SLC2A14: variants seen among roughly 807,000 people sequenced by gnomAD.
SLC2A14 encodes solute carrier family 2 member 14.
In SLC2A14, 13 loss-of-function variants were observed where a neutral mutation model predicts 43.0. The observed-to-expected ratio is 0.30, with a 90% confidence interval of 0.20 to 0.48. The LOEUF (loss-of-function observed/expected upper bound fraction) is 0.48. SLC2A14 is among the 20% of genes least tolerant of loss of function. The probability of loss-of-function intolerance (pLI) is 0.99; values close to 1 mark genes in which losing one functional copy is unlikely to be tolerated. For synonymous variants in SLC2A14, 190 were observed against 233.8 expected, an observed-to-expected ratio of 0.81 and a Z score of 1.71; for missense variants, 428 against 620.4, an observed-to-expected ratio of 0.69 and a Z score of 3.29.
At chr12:7,818,155 T>G (rs148806108) in intron 9 of SLC2A14, 121 bp from the exon 10 acceptor site, 1 of 880,736 alleles carries the variant, frequency 1.1e-6, no homozygotes, top group Non-Finnish European at 1.7e-6. Context: ...AGAGTGGCTG[T>G]GGAATCAAAA....
At chr12:7,872,775 C>G in intron 1 of SLC2A14, 32 bp downstream of exon 1, 2 of 985,486 alleles carry the variant, frequency 2.0e-6, no homozygotes, top group African/African-American at 3.5e-5. Context: ...TTCCCGCACC[C>G]CCCGGCCGCA....
chr12:7,821,241 T>C lies in SLC2A14; in HGVS notation c.949A>G (p.Thr317Ala). The change falls in exon 8 of 11, where the codon ACT (threonine) becomes GCT (alanine). Residue 317 changes from threonine (T) to alanine (A), a missense_variant. Transcript: ENST00000431042. ...CTTACAGAAAGTAAAGTGAAGATAGTATTAACCACACCCGCGCTGATGGTG... is the reference window on the plus strand; with the variant it reads ...CTTACAGAAAGTAAAGTGAAGATAGCATTAACCACACCCGCGCTGATGGTG... ...YATISAGVVN[T>A]IFTLLSLFLV... 6.2e-7 allele frequency: 1 copy of C among 1,613,960 alleles called. No individual in the cohort carries two copies. The highest frequency in any genetic ancestry group is 8.5e-7 in the Non-Finnish European group (1 of 1,179,878).
rs896254413 is a variant in SLC2A14, at chr12:7,871,025, A to G, written c.-57-1088T>C. The stretch of plus-strand genomic sequence containing the variant: ...CAATGACAAGGGGGACAGCACGACA[A>G]GCTGGCTTCACCGCGGAAGAACCCC... On this transcript the variant is annotated intron_variant, in intron 1 of 10. Coordinates refer to ENST00000431042, the MANE Select transcript of SLC2A14 (RefSeq NM_001286234.2). 5.6e-6 allele frequency: 8 copies of G among 1,433,582 alleles called. No homozygotes were observed. In the Admixed American group the frequency reaches 5.6e-5, roughly 10 times the overall value. 88.8% of individuals were successfully genotyped at this position (1,433,582 alleles called of 1,614,324 possible).
chr12:7,864,569 A>T (rs1317157167), intron 2 of SLC2A14, among the ~76,000 whole-genome samples: 1 of 152,028 alleles, frequency 6.6e-6, no homozygotes, highest in Non-Finnish European at 1.5e-5. Flanking sequence ...CGATCTCCGG[A>T]CCTCATCATC....
Position 7,827,696 on chromosome 12 carries a change from G to A in SLC2A14, c.677-14C>T. 7.4e-7 allele frequency: 1 copy of A among 1,350,396 alleles called. No homozygotes were observed. Among genetic ancestry groups the A allele is most frequent in the Non-Finnish European group, 9.5e-7 (1 of 1,055,636 alleles). The allele number at this position is 1,350,396 out of a possible 1,614,324, so 83.7% of individuals were successfully genotyped here. ...ACCGCTGGAGGACTGGTGAAAAGAA[G>A]AAAGAGGAAAGGATAAAGAGAATGT... On this transcript the variant is annotated splice_polypyrimidine_tract_variant and intron_variant, in intron 6 of 10. Coordinates refer to ENST00000431042, the MANE Select transcript of SLC2A14 (RefSeq NM_001286234.2).
At chr12:7,867,772 G>A (rs1945004003) in intron 2 of SLC2A14, among the ~76,000 whole-genome samples, 1 of 151,540 alleles carries the variant, frequency 6.6e-6, no homozygotes, top group Non-Finnish European at 1.5e-5. Flanking sequence ...TTGAACCTGG[G>A]AGGTGGAGGT....
At chr12:7,842,722 CTTT>C (rs59107341) in intron 2 of SLC2A14, among the ~76,000 whole-genome samples, 2 of 139,592 alleles carry the variant, frequency 1.4e-5, no homozygotes. Context: ...TTCTTTTTCT[CTTT>C]TTTTTTTTTT....
At chr12:7,859,638 T>G (rs1944437059) in intron 2 of SLC2A14, among the ~76,000 whole-genome samples, 1 of 152,054 alleles carries the variant, frequency 6.6e-6, no homozygotes, top group Non-Finnish European at 1.5e-5. Flanking sequence ...GTAGGAATGG[T>G]GAAAACCAAG....
At chr12:7,874,697 A>T (rs1316271744), upstream of SLC2A14, among the ~76,000 whole-genome samples, 1 of 142,460 alleles carries the variant, frequency 7.0e-6, no homozygotes, top group African/African-American at 2.6e-5. Context: ...TATATATATA[A>T]ATATATATAA....
At chr12:7,860,931 T>C (rs1944517947) in intron 2 of SLC2A14, among the ~76,000 whole-genome samples, 1 of 151,974 alleles carries the variant, frequency 6.6e-6, no homozygotes, top group Non-Finnish European at 1.5e-5. Context: ...TAGCTAGGAT[T>C]AGAGGCATGC....
intron 9 of SLC2A14, among the ~76,000 whole-genome samples, chr12:7,819,103 GCT>G (rs1432677228): frequency 6.6e-6 from 1 of 152,078 alleles, no homozygotes; most frequent in Non-Finnish European, 1.5e-5. Flanking sequence ...TGTAATCACA[GCT>G]ACTCGGGAGG....
chr12:7,814,210 G>T lies in SLC2A14; in HGVS notation c.*106C>A, dbSNP rs1249102912. The T allele has an allele frequency of 2.0e-6, 3 of 1,488,046 alleles. No individual in the cohort carries two copies. The East Asian group carries it at 6.8e-5, about 34-fold the overall frequency. The allele number at this position is 1,488,046 out of a possible 1,614,324, so 92.2% of individuals were successfully genotyped here. A position where few individuals can be genotyped will look rare whatever the true frequency, so the allele number is the denominator to read the frequency against. On this transcript the variant is annotated 3_prime_UTR_variant, in exon 11 of 11. Coordinates refer to ENST00000431042, the MANE Select transcript of SLC2A14 (RefSeq NM_001286234.2). ...GTGCGTGGGATGAGAAAGAAATCAA[G>T]TAGCAGCATTCAGAAGCAGTCCTGG...
upstream of SLC2A14, among the ~76,000 whole-genome samples, chr12:7,874,934 T>TG (rs1945417789): frequency 5.4e-5 from 1 of 18,498 alleles, no homozygotes. Context: ...TATTTATATA[T>TG]AATTTATATA....
At chr12:7,821,153 A>G in intron 8 of SLC2A14, 68 bp downstream of exon 8, 3 of 1,192,402 alleles carry the variant, frequency 2.5e-6, no homozygotes, top group Non-Finnish European at 2.5e-6. Context: ...GAGCCATGCA[A>G]TCCATCTTTG....
rs557069415 is a variant in SLC2A14, at chr12:7,837,638, C to CAAAAAA, written c.19-4830_19-4825dup. 2.7e-3 allele frequency among the ~76,000 whole-genome samples: 142 copies of CAAAAAA among 52,890 alleles called. 28 individuals are homozygous for CAAAAAA. Among genetic ancestry groups the CAAAAAA allele is most frequent in the Middle Eastern group, 0.026 (1 of 38 alleles). 34.7% of individuals were successfully genotyped at this position (52,890 alleles called of 152,430 possible). A position where few individuals can be genotyped will look rare whatever the true frequency, so the allele number is the denominator to read the frequency against. On this transcript the variant is annotated intron_variant, in intron 2 of 10. Transcript: ENST00000431042. ...GGGCAACAAGAGTGAAACTTCGTCTCAAAAAAAAAAAAAAAAAAGATGGTT... is the reference window on the plus strand; with the variant it reads ...GGGCAACAAGAGTGAAACTTCGTCTCAAAAAAAAAAAAAAAAAAAAAAAAGATGGTT...
intron 1 of SLC2A14, chr12:7,871,391 G>A (rs909892095): frequency 1.5e-5 from 5 of 326,258 alleles, no homozygotes; most frequent in South Asian, 7.5e-5. Flanking sequence ...CCCAGCCCTC[G>A]CGACACCCTG....
intron 2 of SLC2A14, chr12:7,863,381 C>G (rs777834662): frequency 2.2e-6 from 1 of 453,230 alleles, no homozygotes; most frequent in Non-Finnish European, 4.4e-6. Flanking sequence ...CGAGGGTGTG[C>G]GGCTTCATTC....
intron 7 of SLC2A14, among the ~76,000 whole-genome samples, chr12:7,827,073 C>T (rs918784487): frequency 1.3e-3 from 151 of 118,136 alleles, no homozygotes; most frequent in African/African-American, 4.6e-3. Flanking sequence ...TTCTCTCTCT[C>T]TCTTTCTTTC....
At chr12:7,875,954 C>A (rs150214246), upstream of SLC2A14, among the ~76,000 whole-genome samples, 390 of 149,392 alleles carry the variant, frequency 2.6e-3, 1 homozygote, top group African/African-American at 9.1e-3. Flanking sequence ...CCAGCCTGGG[C>A]TACAGAACAA....
Sources: allele counts gnomAD v4.1 joint callset (sites outside exome capture counted in the v4.1 genomes callset), GRCh38; gene constraint gnomAD v4.1.1; transcripts MANE v1.5; gene names NCBI Gene and HGNC (gene_info 2026-07-23, HGNC 2026-07-21).